GARIN5A: variants seen among roughly 807,000 people sequenced by gnomAD.
The protein encoded by GARIN5A is golgi associated RAB2 interactor 5A, also known as Golgi-associated RAB2 interactor protein 5A.
the GARIN5A span, among the ~76,000 whole-genome samples, chr19:50,471,763 C>T: frequency 6.8e-5 from 9 of 132,464 alleles, no homozygotes; most frequent in African/African-American, 1.4e-4. Flanking sequence ...CATGTGTATA[C>T]GCATACATAC....
the GARIN5A span, chr19:50,475,493 TC>T: frequency 6.4e-7 from 1 of 1,569,196 alleles, no homozygotes. Flanking sequence ...AGGATAGATG[TC>T]GGGGCAGAAC....
chr19:50,470,195 G>A, the GARIN5A span, among the ~76,000 whole-genome samples: 1 of 152,220 alleles, frequency 6.6e-6, no homozygotes, highest in Non-Finnish European at 1.5e-5. Context: ...TAAGACAGCA[G>A]AGCACGTGCA....
At chr19:50,471,971 CAT>C in the GARIN5A span, among the ~76,000 whole-genome samples, 1 of 146,438 alleles carries the variant, frequency 6.8e-6, no homozygotes, top group African/African-American at 2.6e-5. Context: ...TGTATATATA[CAT>C]GTATGTGTGT....
At chr19:50,474,502 C>T in the GARIN5A span, among the ~76,000 whole-genome samples, 29 of 152,232 alleles carry the variant, frequency 1.9e-4, no homozygotes, top group Non-Finnish European at 4.0e-4. Context: ...CTCACCACCA[C>T]GCCCGACTAA....
the GARIN5A span, chr19:50,476,564 G>C: frequency 1.9e-6 from 3 of 1,575,140 alleles, no homozygotes; most frequent in East Asian, 2.3e-5. Context: ...GCCAGCGCTG[G>C]GGCAACCCGG....
the GARIN5A span, chr19:50,476,492 G>T: frequency 1.3e-6 from 2 of 1,572,718 alleles, no homozygotes; most frequent in Non-Finnish European, 1.7e-6. Context: ...CTCCCGGCGT[G>T]CTCCGCGGCT....
chr19:50,472,291 GTATATA>G, the GARIN5A span, among the ~76,000 whole-genome samples: 2 of 146,108 alleles, frequency 1.4e-5, no homozygotes, highest in African/African-American at 2.6e-5. Context: ...ATGTATGTGT[GTATATA>G]TGTATATATA....
At chr19:50,471,912 G>A in the GARIN5A span, among the ~76,000 whole-genome samples, 157 of 150,208 alleles carry the variant, frequency 1.0e-3, 1 homozygote, top group African/African-American at 3.7e-3. Context: ...ATGTATGTGT[G>A]TATATGTGTA....
At chr19:50,468,340 C>T in the GARIN5A span, among the ~76,000 whole-genome samples, 18 of 124,132 alleles carry the variant, frequency 1.5e-4, no homozygotes, top group Admixed American at 1.3e-3. Flanking sequence ...CCAGCCTGGG[C>T]GACAGAGAGA....
chr19:50,470,780 G>A, the GARIN5A span, among the ~76,000 whole-genome samples: 7 of 148,136 alleles, frequency 4.7e-5, no homozygotes, highest in Non-Finnish European at 1.0e-4. Flanking sequence ...TCAGCCTCCC[G>A]AGTAGCTGGG....
At chr19:50,475,975 C>T in the GARIN5A span, 1 of 1,605,228 alleles carries the variant, frequency 6.2e-7, no homozygotes, top group Non-Finnish European at 8.5e-7. Flanking sequence ...GTCTGGGGGT[C>T]GATCCTGGGA....
chr19:50,471,880 ATGTG>A, the GARIN5A span, among the ~76,000 whole-genome samples: 5 of 147,012 alleles, frequency 3.4e-5, no homozygotes, highest in South Asian at 2.2e-4. Context: ...GTATGCATAC[ATGTG>A]TGTATATGTA....
chr19:50,471,750 ATGCATGTGTATACGCATACATACCTG>A, the GARIN5A span, among the ~76,000 whole-genome samples: 1 of 144,198 alleles, frequency 6.9e-6, no homozygotes, highest in African/African-American at 2.8e-5. Context: ...ATACGCATAC[ATGCATGTGTATACGCATACATACCTG>A]TGTGTATACG....
At chr19:50,472,299 G>GTA in the GARIN5A span, among the ~76,000 whole-genome samples, 1 of 148,090 alleles carries the variant, frequency 6.8e-6, no homozygotes, top group African/African-American at 2.5e-5. Context: ...GTGTATATAT[G>GTA]TATATATACA....
chr19:50,471,813 T>C, the GARIN5A span, among the ~76,000 whole-genome samples: 124 of 148,850 alleles, frequency 8.3e-4, 1 homozygote, highest in African/African-American at 3.1e-3. Flanking sequence ...TACGCATACA[T>C]ACCTGTGTGT....
chr19:50,471,731 CGT>C, the GARIN5A span, among the ~76,000 whole-genome samples: 16 of 75,058 alleles, frequency 2.1e-4, no homozygotes, highest in African/African-American at 4.2e-4. Context: ...CATACATGCA[CGT>C]GTGTGTATAC....
chr19:50,470,614 G>A, the GARIN5A span, among the ~76,000 whole-genome samples: 1 of 151,932 alleles, frequency 6.6e-6, no homozygotes, highest in African/African-American at 2.4e-5. Flanking sequence ...CTGACGAGGG[G>A]GTGGGCGCAG....
chr19:50,476,154 C>T, the GARIN5A span: 1 of 1,613,624 alleles, frequency 6.2e-7, no homozygotes, highest in Non-Finnish European at 8.5e-7. Context: ...GGTTCCACCT[C>T]GCCAGCTCCA....
At chr19:50,468,842 G>T in the GARIN5A span, among the ~76,000 whole-genome samples, 2 of 152,164 alleles carry the variant, frequency 1.3e-5, no homozygotes, top group Non-Finnish European at 2.9e-5. Flanking sequence ...CTGGGCTCAA[G>T]TGATCCTCTC....
Sources: gnomAD v4.1 joint callset for allele counts (sites outside exome capture counted in the v4.1 genomes callset) on GRCh38, gnomAD v4.1.1 for gene constraint, MANE v1.5 for transcripts, NCBI Gene and HGNC (gene_info 2026-07-23, HGNC 2026-07-21) for gene names.